Variants in SLCO4A1 observed in about 807,000 individuals in gnomAD.
The protein encoded by SLCO4A1 is colon organic anion transporter.
SLCO4A1 carries 51 observed loss-of-function variants against 64.6 expected under a neutral mutation model. The ratio of observed to expected loss-of-function variants is 0.79; its 90% CI spans 0.63 to 1.00. The LOEUF (loss-of-function observed/expected upper bound fraction) is 1.00, where lower values mean the gene tolerates loss of function less well. SLCO4A1 is among the 50% of genes least tolerant of loss of function. The probability of loss-of-function intolerance (pLI) is 0.00; values close to 1 mark genes in which losing one functional copy is unlikely to be tolerated. For synonymous variants in SLCO4A1, 471 were observed against 444.9 expected (o/e 1.06, Z -0.74); for missense variants, 919 against 980.5 (o/e 0.94, Z 0.84).
chr20:62,643,960 G>T (rs1980862995), intron 1 of SLCO4A1, among the ~76,000 whole-genome samples: 1 of 152,234 alleles, frequency 6.6e-6, no homozygotes, highest in Non-Finnish European at 1.5e-5. Context: ...CACACAGCTT[G>T]TAAGTGCTGA....
In SLCO4A1 at chr20:62,645,643, G is replaced by A. The variant is rs1193265691; in HGVS notation, c.-97+3090G>A. Reference sequence around the variant, plus strand: ...TAGACCCTGGGACTACATTTCTGGCGGAAGGTGACTGCTTTTTCAAACCAC... The same window carrying A: ...TAGACCCTGGGACTACATTTCTGGCAGAAGGTGACTGCTTTTTCAAACCAC... On this transcript the variant is annotated intron_variant, in intron 1 of 11. Coordinates refer to ENST00000217159, the MANE Select transcript of SLCO4A1 (RefSeq NM_016354.4). This position sits in a 1 kb window ranked among gnomAD's most constrained non-coding sequence, Gnocchi z 4.2. Among the ~76,000 whole-genome samples the A allele has an allele frequency of 1.3e-5, 2 of 151,894 alleles. No individual in the cohort carries two copies. Among genetic ancestry groups the A allele is most frequent in the East Asian group, 2.0e-4 (1 of 5,108 alleles).
At chr20:62,687,308 C>T (rs1356316491), downstream of SLCO4A1, among the ~76,000 whole-genome samples, 1 of 152,114 alleles carries the variant, frequency 6.6e-6, no homozygotes, top group African/African-American at 2.4e-5. Context: ...GCCACACAGC[C>T]ACGGGAGACA....
chr20:62,688,443 G>A (rs577508793), downstream of SLCO4A1, among the ~76,000 whole-genome samples: 15 of 152,218 alleles, frequency 9.9e-5, no homozygotes, highest in African/African-American at 3.4e-4. Flanking sequence ...CTCACCTGTA[G>A]CCCCACCAGG....
At chr20:62,654,020 C>G (rs540403598) in intron 1 of SLCO4A1, among the ~76,000 whole-genome samples, 1 of 152,110 alleles carries the variant, frequency 6.6e-6, no homozygotes, top group African/African-American at 2.4e-5. Flanking sequence ...GCACATGTAC[C>G]CTAGAACTTA....
chr20:62,659,495 T>C (rs190924954), intron 3 of SLCO4A1, among the ~76,000 whole-genome samples: 8 of 152,244 alleles, frequency 5.3e-5, no homozygotes, highest in Admixed American at 2.6e-4. Flanking sequence ...TGGCCTCGGA[T>C]TGATAATGTG....
At chr20:62,662,424 GC>G (rs943401337) in intron 5 of SLCO4A1, among the ~76,000 whole-genome samples, 1 of 152,152 alleles carries the variant, frequency 6.6e-6, no homozygotes, top group African/African-American at 2.4e-5. Flanking sequence ...GTGGCTGTGA[GC>G]CCCCAGTGTG....
intron 1 of SLCO4A1, chr20:62,642,992 CCA>C (rs1337152381): frequency 1.9e-5 from 9 of 470,052 alleles, no homozygotes; most frequent in African/African-American, 6.0e-5. Context: ...CCGCGGAGCT[CCA>C]GAGTTGCGGA....
At chr20:62,658,869 G>A in intron 3 of SLCO4A1, 102 bp downstream of exon 3, 2 of 1,040,102 alleles carry the variant, frequency 1.9e-6, no homozygotes, top group Non-Finnish European at 2.9e-6. Flanking sequence ...GCCGGGCGCG[G>A]CGCAGGTGCT....
At position 62,664,911 on chromosome 20, in the gene SLCO4A1, T is replaced by C. The variant is rs546283820; in HGVS notation, c.1122-23T>C. On this transcript the variant is annotated intron_variant, in intron 5 of 11. Transcript: ENST00000217159. ...CACCACTCTGACCCTCAGTCTCTTCTCCACACCCCCACCTCTGCCCAGCTC... is the reference window on the plus strand; with the variant it reads ...CACCACTCTGACCCTCAGTCTCTTCCCCACACCCCCACCTCTGCCCAGCTC... 3.7e-5 allele frequency: 58 copies of C among 1,570,246 alleles called. No individual in the cohort carries two copies. In the South Asian group the frequency reaches 6.9e-4, roughly 19 times the overall value.
intron 9 of SLCO4A1, 91 bp from the exon 10 acceptor site, chr20:62,668,385 TG>T: frequency 7.3e-7 from 1 of 1,377,688 alleles, no homozygotes; most frequent in South Asian, 1.2e-5. Context: ...ATGATGTGGC[TG>T]GGGACTGGTC....
rs1045381925 is a variant in SLCO4A1, at chr20:62,645,495, C to T, written c.-97+2942C>T. On this transcript the variant is annotated intron_variant, in intron 1 of 11. Coordinates refer to ENST00000217159, the MANE Select transcript of SLCO4A1 (RefSeq NM_016354.4). The surrounding 1 kb of genome is among the most constrained non-coding windows in gnomAD (Gnocchi z 4.2). ...GTGCGGGTGAGGACCCACCCACACC[C>T]GCACCCTCACCCTCATCCTCACCCG... Among the ~76,000 whole-genome samples, 11 of 147,312 alleles carry T rather than the reference C, an allele frequency of 7.5e-5. No individual in the cohort carries two copies. Among genetic ancestry groups the T allele is most frequent in the African/African-American group, 2.2e-4 (9 of 40,094 alleles).
intron 1 of SLCO4A1, among the ~76,000 whole-genome samples, chr20:62,653,551 T>C (rs1411428436): frequency 1.3e-5 from 2 of 152,192 alleles, no homozygotes; most frequent in Admixed American, 1.3e-4. Context: ...GAGGCCCCTG[T>C]GTCCCCTCGC....
chr20:62,683,584 G>A (rs1018119594), intron 2 of SLCO4A1, among the ~76,000 whole-genome samples: 3 of 152,196 alleles, frequency 2.0e-5, no homozygotes, highest in Admixed American at 1.3e-4. Context: ...TATTGTTGGT[G>A]CACCTTTTCT....
chr20:62,659,618 A>G (rs1236950112), intron 3 of SLCO4A1, among the ~76,000 whole-genome samples: 4 of 152,160 alleles, frequency 2.6e-5, no homozygotes, highest in Admixed American at 6.5e-5. Flanking sequence ...ATCTGGGCCC[A>G]CTTTGCACAA....
In SLCO4A1 at chr20:62,656,717, GGTGGGCCTTCGCACCGCC is replaced by G; in HGVS notation, c.267_284del (p.Trp89_Pro94del). 6.2e-7 allele frequency: 1 copy of G among 1,610,878 alleles called. No individual in the cohort carries two copies. The highest frequency in any genetic ancestry group is 1.1e-5 in the South Asian group (1 of 90,798). On this transcript the variant is annotated inframe_deletion, in exon 2 of 12. Coordinates refer to ENST00000217159, the MANE Select transcript of SLCO4A1 (RefSeq NM_016354.4). ...GCCGGGCAGAGCGTGGCGTGCGGCT[GGTGGGCCTTCGCACCGCC>G]GTGCCTGCAGGTCCTCAACACGCCC...
Position 62,657,151 on chromosome 20 carries a change from G to T in SLCO4A1, c.697G>T (p.Gly233Cys). The T allele has an allele frequency of 6.4e-7, 1 of 1,562,936 alleles. No homozygotes were observed. Among genetic ancestry groups the T allele is most frequent in the Non-Finnish European group, 8.7e-7 (1 of 1,154,802 alleles). Reference sequence around the variant, plus strand: ...CCGCTACCAGCTGGTCTTCATGCTGGGCCAGTTCCTGCATGGCGTGGGTGC... The same window carrying T: ...CCGCTACCAGCTGGTCTTCATGCTGTGCCAGTTCCTGCATGGCGTGGGTGC... ...LSRYQLVFML[G>C]QFLHGVGATP... Residue 233 changes from glycine to cysteine, a missense_variant, in exon 2 of 12, where the codon GGC becomes TGC. Physicochemically the swap from Gly to Cys is radical, Grantham distance 159. Coordinates refer to ENST00000217159, the MANE Select transcript of SLCO4A1 (RefSeq NM_016354.4).
At chr20:62,655,140 C>G (rs1261540102) in intron 1 of SLCO4A1, among the ~76,000 whole-genome samples, 3 of 152,240 alleles carry the variant, frequency 2.0e-5, no homozygotes, top group Admixed American at 1.3e-4. Flanking sequence ...TCAGCCATAA[C>G]AGGAGGTGCC....
intron 11 of SLCO4A1, 102 bp from the exon 12 acceptor site, chr20:62,671,648 G>T: frequency 1.9e-6 from 2 of 1,070,006 alleles, no homozygotes; most frequent in Non-Finnish European, 2.7e-6. Context: ...CCTGGTGAGG[G>T]TGCTGCAGGC....
rs781220397 is a variant in SLCO4A1 at position 62,656,797 on chromosome 20, C to T, written c.343C>T (p.Leu115=). 1 of 1,612,918 alleles carries T rather than the reference C, an allele frequency of 6.2e-7. No homozygotes were observed. The highest frequency in any genetic ancestry group is 8.5e-7 in the Non-Finnish European group (1 of 1,179,934). The change falls in exon 2 of 12, where the codon CTG becomes TTG. Residue 115 remains leucine (L), a synonymous_variant. Coordinates refer to ENST00000217159, the MANE Select transcript of SLCO4A1 (RefSeq NM_016354.4). ...ILFFLCAAAF[L]QGMTVNGFIN... ...GTTCTTCCTGTGTGCGGCCGCATTC[C>T]TGCAGGGGATGACTGTGAATGGCTT...
Sources: gnomAD v4.1 joint callset for allele counts (sites outside exome capture counted in the v4.1 genomes callset) on GRCh38, gnomAD v4.1.1 for gene constraint, Gnocchi (gnomAD v3.1) non-coding constraint, MANE v1.5 for transcripts, NCBI Gene and HGNC (gene_info 2026-07-23, HGNC 2026-07-21) for gene names.